Variants in ADCY2 observed in about 807,000 individuals in gnomAD.
ADCY2 encodes the protein adenylate cyclase 2.
ADCY2 carries 31 observed loss-of-function variants against 125.2 expected under a neutral mutation model. The observed-to-expected ratio is 0.25, with a 90% confidence interval of 0.19 to 0.33. The LOEUF is 0.33. Ranked by LOEUF, ADCY2 falls within the 10% of genes least tolerant of loss-of-function variation. The pLI is 1.00. For synonymous variants in ADCY2, 512 were observed against 548.4 expected, an observed-to-expected ratio of 0.93 and a Z score of 0.93; for missense variants, 904 against 1,418.2, an observed-to-expected ratio of 0.64 and a Z score of 5.82.
At chr5:7,443,271 C>T (rs964069174) in intron 2 of ADCY2, among the ~76,000 whole-genome samples, 6 of 152,062 alleles carry the variant, frequency 3.9e-5, no homozygotes, top group East Asian at 1.9e-4. Context: ...ATTATGAGAT[C>T]GGAACTTCAG....
intron 3 of ADCY2, among the ~76,000 whole-genome samples, chr5:7,542,170 C>G (rs1735018117): frequency 1.3e-5 from 2 of 152,110 alleles, no homozygotes; most frequent in Non-Finnish European, 2.9e-5. Context: ...CAGAGTCCCC[C>G]CCATCAACCT....
intron 17 of ADCY2, among the ~76,000 whole-genome samples, chr5:7,768,065 T>C (rs1031936550): frequency 2.0e-5 from 3 of 151,724 alleles, no homozygotes; most frequent in Non-Finnish European, 4.4e-5. Context: ...CTTCTGGTGT[T>C]CTTTCCTGGA....
intron 3 of ADCY2, among the ~76,000 whole-genome samples, chr5:7,615,800 T>G (rs1394747005): frequency 2.6e-5 from 4 of 152,170 alleles, no homozygotes; most frequent in Admixed American, 6.5e-5. Context: ...GCTGGGTTTT[T>G]GTTGTTGCTG....
rs1743698332 is a variant in ADCY2, at chr5:7,775,645, C to A, written c.2384+2544C>A. The stretch of plus-strand genomic sequence containing the variant: ...ACCTCAGGTGATCCACCTGCCTCAG[C>A]CTCCCAAAGTGCTGGGATTACAGGC... On this transcript the variant is annotated intron_variant, in intron 18 of 24. Coordinates refer to ENST00000338316, the MANE Select transcript of ADCY2 (RefSeq NM_020546.3). 2.0e-5 allele frequency among the ~76,000 whole-genome samples: 3 copies of A among 152,242 alleles called. No individual in the cohort carries two copies. The South Asian group carries it at 6.2e-4, about 31-fold the overall frequency.
chr5:7,401,836 G>A (rs771988718), intron 1 of ADCY2, among the ~76,000 whole-genome samples: 3 of 152,226 alleles, frequency 2.0e-5, no homozygotes, highest in African/African-American at 7.2e-5. Context: ...TTTTGTGTGT[G>A]ATATATTTCA....
chr5:7,647,996 C>A (rs1287232344), intron 4 of ADCY2, among the ~76,000 whole-genome samples: 2 of 152,184 alleles, frequency 1.3e-5, no homozygotes, highest in African/African-American at 4.8e-5. Context: ...TAAATGCGCT[C>A]TGGACTTCAG....
chr5:7,400,990 A>G (rs1313173594), intron 1 of ADCY2, among the ~76,000 whole-genome samples: 5 of 152,224 alleles, frequency 3.3e-5, no homozygotes, highest in Non-Finnish European at 7.3e-5. Flanking sequence ...TTTTGAAAGG[A>G]CAGTGGAGTG....
In ADCY2 at chr5:7,578,299, T is replaced by A. The variant is rs1203507614; in HGVS notation, c.571-47868T>A. On this transcript the variant is annotated intron_variant, in intron 3 of 24. Transcript: ENST00000338316. ...TTCTGAAATGGCAGCTTTGCATTGA[T>A]GTGGTGCCAGTGGTCAAATTGAAAC... is the stretch of plus-strand genomic sequence containing the variant. 3.3e-5 allele frequency among the ~76,000 whole-genome samples: 5 copies of A among 152,196 alleles called. No homozygotes were observed. The East Asian group carries it at 9.6e-4, about 29-fold the overall frequency.
Position 7,488,901 on chromosome 5 carries a change from G to A in ADCY2, c.409-31837G>A, listed in dbSNP as rs1196719399. Among the ~76,000 whole-genome samples, 4 of 152,262 alleles carry A rather than the reference G, an allele frequency of 2.6e-5. No individual in the cohort carries two copies. In the South Asian group the frequency reaches 6.2e-4, roughly 24 times the overall value. On this transcript the variant is annotated intron_variant, in intron 2 of 24. Transcript: ENST00000338316. ...GCTCATTTGCGGTCCAGACCTGCCT[G>A]TGCAACCCCGAGGGACCCATGAATG... is the stretch of plus-strand genomic sequence containing the variant.
At chr5:7,738,064 G>T (rs1204532746) in intron 14 of ADCY2, among the ~76,000 whole-genome samples, 2 of 152,106 alleles carry the variant, frequency 1.3e-5, no homozygotes, top group Non-Finnish European at 2.9e-5. Context: ...AATTATGTCA[G>T]AAGGAAAAAG....
At chr5:7,677,587 C>T (rs1266629222) in intron 4 of ADCY2, among the ~76,000 whole-genome samples, 1 of 152,204 alleles carries the variant, frequency 6.6e-6, no homozygotes, top group Admixed American at 6.5e-5. Context: ...GAGAATGAGT[C>T]TCCACATGGA....
At chr5:7,623,337 T>C (rs1738019164) in intron 3 of ADCY2, among the ~76,000 whole-genome samples, 1 of 152,236 alleles carries the variant, frequency 6.6e-6, no homozygotes, top group East Asian at 1.9e-4. Flanking sequence ...ATTTTCTAAC[T>C]CTGAGCAGCA....
intron 14 of ADCY2, among the ~76,000 whole-genome samples, chr5:7,729,630 A>T (rs1307988722): frequency 1.3e-5 from 2 of 150,860 alleles, no homozygotes; most frequent in Admixed American, 6.6e-5. Context: ...AAGCAACTTT[A>T]TTAGAAAGTA....
intron 1 of ADCY2, among the ~76,000 whole-genome samples, chr5:7,407,375 T>C (rs752731328): frequency 6.6e-6 from 1 of 152,090 alleles, no homozygotes; most frequent in African/African-American, 2.4e-5. Context: ...TTTAACTGAC[T>C]CACAGTTCTG....
chr5:7,816,701 G>T (rs1745122982), intron 22 of ADCY2, among the ~76,000 whole-genome samples, 165 bp from the exon 23 acceptor site: 1 of 152,272 alleles, frequency 6.6e-6, no homozygotes, highest in Non-Finnish European at 1.5e-5. Flanking sequence ...GCCACACAGT[G>T]CTTCCTTGAG....
At chr5:7,629,715 A>G (rs1738254452) in intron 4 of ADCY2, among the ~76,000 whole-genome samples, 1 of 152,188 alleles carries the variant, frequency 6.6e-6, no homozygotes. Context: ...TCCCACAGTA[A>G]AATCCGCAGC....
chr5:7,537,655 T>C (rs1439273386), intron 3 of ADCY2, among the ~76,000 whole-genome samples: 1 of 152,250 alleles, frequency 6.6e-6, no homozygotes, highest in East Asian at 1.9e-4. Flanking sequence ...CATCCTTTGC[T>C]TTCCAGGTGC....
rs1739048846 is a variant in ADCY2, at chr5:7,396,537, C to A, written c.210+31C>A. ...TGGCCTCCCCGCGGGTCCAGCGCCG[C>A]GCCTTCCCCGGCCCTGAGAGGAGCC... is the stretch of plus-strand genomic sequence containing the variant. On this transcript the variant is annotated intron_variant, in intron 1 of 24. Transcript: ENST00000338316. The surrounding 1 kb of genome is among the most constrained non-coding windows in gnomAD (Gnocchi z 5.7). The A allele has an allele frequency of 1.3e-6, 2 of 1,534,998 alleles. No individual in the cohort carries two copies. Among genetic ancestry groups the A allele is most frequent in the Non-Finnish European group, 1.7e-6 (2 of 1,143,246 alleles).
chr5:7,457,399 G>T lies in ADCY2; in HGVS notation c.408+42629G>T, dbSNP rs73737387. Among the ~76,000 whole-genome samples, 824 of 152,218 alleles carry T rather than the reference G, an allele frequency of 5.4e-3. 3 individuals carry two copies. Among genetic ancestry groups the T allele is most frequent in the African/African-American group, 0.019 (792 of 41,518 alleles). ...AGCTCAGGGTGCCCTCAGCTGCAGA[G>T]CCTGGTCTGTCCCATCTGTGGCCTT... is the stretch of plus-strand genomic sequence containing the variant. On this transcript the variant is annotated intron_variant, in intron 2 of 24. Transcript: ENST00000338316.
Sources: gnomAD v4.1 joint callset for allele counts (sites outside exome capture counted in the v4.1 genomes callset) on GRCh38, gnomAD v4.1.1 for gene constraint, Gnocchi (gnomAD v3.1) non-coding constraint, MANE v1.5 for transcripts, NCBI Gene and HGNC (gene_info 2026-07-23, HGNC 2026-07-21) for gene names.